The following KDM2A variants were observed in gnomAD, a reference collection of about 807,000 sequenced individuals.
KDM2A encodes the protein lysine demethylase 2A.
A neutral mutation model predicts 137.3 loss-of-function variants in KDM2A; 3 were observed. That is an observed-to-expected ratio of 0.02 (90% CI 0.01 to 0.06). The LOEUF is 0.06. KDM2A is among the 10% of genes least tolerant of loss of function. KDM2A has a pLI of 1.00. For missense variants in KDM2A, 738 were observed against 1,510.6 expected (o/e 0.49, Z 8.48); for synonymous variants, 512 against 541.5 (o/e 0.95, Z 0.76).
At chr11:67,153,773 T>G (rs1347745675) in intron 2 of KDM2A, among the ~76,000 whole-genome samples, 1 of 147,870 alleles carries the variant, frequency 6.8e-6, no homozygotes, top group Non-Finnish European at 1.5e-5. Context: ...AATAATCACA[T>G]CACTGCATTC....
At position 67,195,313 on chromosome 11, in the gene KDM2A, G is replaced by A. The variant is rs1857449971; in HGVS notation, c.308-12197G>A. On this transcript the variant is annotated intron_variant, in intron 5 of 20. Coordinates refer to ENST00000529006, the MANE Select transcript of KDM2A (RefSeq NM_012308.3). ...GAACCCAGAAGGCGAAGGCTGCAGT[G>A]AGCCGAGATCGCACCACTGCACTCC... Among the ~76,000 whole-genome samples, 5 of 135,726 alleles carry A rather than the reference G, an allele frequency of 3.7e-5. 2 individuals carry two copies. The highest frequency in any genetic ancestry group is 1.4e-4 in the African/African-American group (5 of 36,778). 89.0% of individuals were successfully genotyped at this position (135,726 alleles called of 152,430 possible).
chr11:67,196,224 A>G (rs533192521), intron 5 of KDM2A: 6 of 455,872 alleles, frequency 1.3e-5, no homozygotes, highest in Non-Finnish European at 1.8e-5. Flanking sequence ...AGGGGCTTGC[A>G]GCCCATGAGC....
chr11:67,248,990 C>T (rs1296024233), intron 16 of KDM2A, among the ~76,000 whole-genome samples: 1 of 152,240 alleles, frequency 6.6e-6, no homozygotes, highest in African/African-American at 2.4e-5. Flanking sequence ...CAAGGCAAGA[C>T]CAGCTGTGGA....
At chr11:67,144,948 G>A (rs930761695) in intron 2 of KDM2A, among the ~76,000 whole-genome samples, 14 of 151,428 alleles carry the variant, frequency 9.2e-5, no homozygotes, top group Non-Finnish European at 1.9e-4. Flanking sequence ...TCAGCTAACT[G>A]CCGACTTTGC....
chr11:67,182,791 C>T (rs1280291870), intron 5 of KDM2A, among the ~76,000 whole-genome samples: 2 of 152,158 alleles, frequency 1.3e-5, no homozygotes, highest in African/African-American at 4.8e-5. Context: ...CCTTGGCCTC[C>T]CAAAGTGCTG....
chr11:67,145,836 C>CTTTCAGG (rs1261324382), intron 2 of KDM2A, among the ~76,000 whole-genome samples: 1 of 150,746 alleles, frequency 6.6e-6, no homozygotes, highest in Non-Finnish European at 1.5e-5. Context: ...CTAACTCTGC[C>CTTTCAGG]TTTCAGGTTT....
In KDM2A at chr11:67,247,087, T is replaced by TTTA. The variant is rs1859270202; in HGVS notation, c.1965+973_1965+974insATT. Among the ~76,000 whole-genome samples, 5 of 95,314 alleles carry TTTA rather than the reference T, an allele frequency of 5.2e-5. No individual in the cohort carries two copies. In the East Asian group the frequency reaches 1.4e-3, roughly 28 times the overall value. The allele number at this position is 95,314 out of a possible 152,430, so 62.5% of individuals were successfully genotyped here. A position where few individuals can be genotyped will look rare whatever the true frequency, so the allele number is the denominator to read the frequency against. The stretch of plus-strand genomic sequence containing the variant: ...TATATATATATTTTTTTTTTTTTTT[T>TTTA]TTTTTTTTTTTTTTTTTTGGAGACA... On this transcript the variant is annotated intron_variant, in intron 15 of 20. Transcript: ENST00000529006.
At chr11:67,238,505 G>C (rs149671013) in intron 12 of KDM2A, among the ~76,000 whole-genome samples, 87 of 152,292 alleles carry the variant, frequency 5.7e-4, no homozygotes, top group Middle Eastern at 3.4e-3. Flanking sequence ...TTAAGATACA[G>C]TGTCCGGGAG....
chr11:67,190,823 T>C (rs1334368472), intron 5 of KDM2A, among the ~76,000 whole-genome samples: 1 of 152,106 alleles, frequency 6.6e-6, no homozygotes, highest in Non-Finnish European at 1.5e-5. Context: ...AGTGTACAAA[T>C]TTCTAGAAAC....
At chr11:67,173,472 G>A (rs1366361081) in intron 2 of KDM2A, among the ~76,000 whole-genome samples, 3 of 152,112 alleles carry the variant, frequency 2.0e-5, no homozygotes, top group Admixed American at 6.5e-5. Flanking sequence ...TGGCCAGGCT[G>A]GTCTCCAGCT....
At chr11:67,207,331 C>A (rs73501800) in intron 5 of KDM2A, among the ~76,000 whole-genome samples, 179 bp from the exon 6 acceptor site, 3,619 of 152,206 alleles carry the variant, frequency 0.024, 136 homozygotes, top group African/African-American at 0.081. Flanking sequence ...TTAACATTAT[C>A]CATTGTCTTT....
At position 67,250,750 on chromosome 11, in the gene KDM2A, G is replaced by A. The variant is rs369642369; in HGVS notation, c.2720G>A (p.Arg907His). The change falls in exon 17 of 21, where the codon CGC becomes CAC. Residue 907 changes from arginine (R) to histidine (H), a missense_variant. Around this residue, in one of 9 missense-constraint regions of KDM2A, gnomAD observed 244 missense variants for 324.6 expected, o/e 0.75. Coordinates refer to ENST00000529006, the MANE Select transcript of KDM2A (RefSeq NM_012308.3). This position sits in a 1 kb window ranked among gnomAD's most constrained non-coding sequence, Gnocchi z 7.1. Reference sequence around the variant, plus strand: ...ATGTCTGTCTTCCGCTACCTCAGCCGCAGAGAACTTTGTGAATGTATGCGA... The same window carrying A: ...ATGTCTGTCTTCCGCTACCTCAGCCACAGAGAACTTTGTGAATGTATGCGA... Reference protein sequence around the residue: ...VWMSVFRYLSRRELCECMRVC... With the variant: ...VWMSVFRYLSHRELCECMRVC... 1.2e-5 allele frequency: 19 copies of A among 1,546,642 alleles called. No individual in the cohort carries two copies. Among genetic ancestry groups the A allele is most frequent in the Non-Finnish European group, 1.6e-5 (18 of 1,146,030 alleles).
chr11:67,189,805 C>T (rs1387794872), intron 5 of KDM2A, among the ~76,000 whole-genome samples: 1 of 152,036 alleles, frequency 6.6e-6, no homozygotes, highest in Admixed American at 6.6e-5. Context: ...GCACATTGCA[C>T]TCCAGCCGGG....
At chr11:67,215,828 A>T in intron 7 of KDM2A, 28 bp from the exon 8 acceptor site, 1 of 1,582,736 alleles carries the variant, frequency 6.3e-7, no homozygotes, top group Non-Finnish European at 8.7e-7. Flanking sequence ...CCATCAGTAC[A>T]CTAATGCTGC....
chr11:67,183,430 A>G (rs1857132531), intron 5 of KDM2A, among the ~76,000 whole-genome samples: 1 of 152,182 alleles, frequency 6.6e-6, no homozygotes, highest in Non-Finnish European at 1.5e-5. Flanking sequence ...AAAAATATAG[A>G]CTCTCAGAGA....
At chr11:67,147,932 T>C (rs1378017400) in intron 2 of KDM2A, among the ~76,000 whole-genome samples, 1 of 151,982 alleles carries the variant, frequency 6.6e-6, no homozygotes, top group African/African-American at 2.4e-5. Context: ...CTGCCTCGAC[T>C]TCCCAAAGTG....
At chr11:67,140,529 A>G (rs1856075551) in intron 2 of KDM2A, among the ~76,000 whole-genome samples, 1 of 152,042 alleles carries the variant, frequency 6.6e-6, no homozygotes, top group African/African-American at 2.4e-5. Flanking sequence ...AAGCGGGTGG[A>G]TCACCTGAGG....
chr11:67,245,107 A>G lies in KDM2A; in HGVS notation c.1564-82A>G, dbSNP rs1005221835. On this transcript the variant is annotated intron_variant, in intron 13 of 20. Transcript: ENST00000529006. This position sits in a 1 kb window ranked among gnomAD's most constrained non-coding sequence, Gnocchi z 4.1. ...GCCATAGTGGGCCAAGCCCCAGGCT[A>G]GGTATGCTACCATGTAATCTTCTAC... The G allele has an allele frequency of 2.7e-6, 4 of 1,493,260 alleles. No individual in the cohort carries two copies. In the African/African-American group the frequency reaches 5.5e-5, roughly 21 times the overall value. The allele number at this position is 1,493,260 out of a possible 1,614,324, so 92.5% of individuals were successfully genotyped here.
Position 67,250,172 on chromosome 11 carries a change from C to T in KDM2A, c.2142C>T (p.Pro714=). ...GGAGCTGCGATGAGCCTCTCACGCCCCCGCCTCATTCACCCACTTCCATGC... is the reference window on the plus strand; with the variant it reads ...GGAGCTGCGATGAGCCTCTCACGCCTCCGCCTCATTCACCCACTTCCATGC... The part of the protein sequence containing the change: ...PLRSCDEPLT[P]PPHSPTSMLQ... Residue 714 remains proline (P), a synonymous_variant, in exon 17 of 21, where the codon CCC becomes CCT. Coordinates refer to ENST00000529006, the MANE Select transcript of KDM2A (RefSeq NM_012308.3). This position sits in a 1 kb window ranked among gnomAD's most constrained non-coding sequence, Gnocchi z 7.1. 6.2e-7 allele frequency: 1 copy of T among 1,613,810 alleles called. No individual in the cohort carries two copies. The highest frequency in any genetic ancestry group is 8.5e-7 in the Non-Finnish European group (1 of 1,179,824).
Sources: gnomAD v4.1 joint callset for allele counts (sites outside exome capture counted in the v4.1 genomes callset) on GRCh38, gnomAD v4.1.1 for gene constraint, gnomAD v4.1.1 regional missense constraint, Gnocchi (gnomAD v3.1) non-coding constraint, MANE v1.5 for transcripts, NCBI Gene and HGNC (gene_info 2026-07-23, HGNC 2026-07-21) for gene names.